CLN3: variants seen among roughly 807,000 people sequenced by gnomAD.
CLN3 encodes the protein battenin.
Under a neutral mutation model 60.7 loss-of-function variants are expected in CLN3, and 49 were observed. The ratio of observed to expected loss-of-function variants is 0.81; its 90% CI spans 0.64 to 1.02. The LOEUF (loss-of-function observed/expected upper bound fraction) is 1.02, where lower values mean the gene tolerates loss of function less well. CLN3 is among the 50% of genes least tolerant of loss of function. The pLI, the probability that CLN3 is intolerant of heterozygous loss-of-function variation, is 0.00. For missense variants in CLN3, 516 were observed against 557.4 expected, an observed-to-expected ratio of 0.93 and a Z score of 0.75; for synonymous variants, 256 against 245.8, an observed-to-expected ratio of 1.04 and a Z score of -0.39.
chr16:28,468,706 C>T, the CLN3 span, among the ~76,000 whole-genome samples: 1 of 136,616 alleles, frequency 7.3e-6, no homozygotes, highest in Non-Finnish European at 1.6e-5. Flanking sequence ...ACTTGGGAGG[C>T]TGAGGCAGAA....
At chr16:28,479,361 G>A (rs1162314309) in intron 14 of CLN3, 1 of 152,244 alleles carries the variant, frequency 6.6e-6, no homozygotes, top group African/African-American at 2.4e-5. Context: ...CAAGGCGGGT[G>A]GATCACCTGA....
chr16:28,488,558 G>A, intron 5 of CLN3, 33 bp downstream of exon 5: 1 of 1,605,304 alleles, frequency 6.2e-7, no homozygotes, highest in Non-Finnish European at 8.5e-7. Flanking sequence ...GGGGCCCTGG[G>A]TCAGGCAAGG....
In CLN3 at chr16:28,487,665, T is replaced by G. The variant is rs546862372; in HGVS notation, c.371A>C (p.Tyr124Ser). Reference protein sequence around the residue: ...LAPLGLHLLPYSPRVLVSGIC... With the variant: ...LAPLGLHLLPSSPRVLVSGIC... ...CTCCCACTACCCTCACCCAGACCTG[T>G]AGGGCAGCAGGTGAAGGCCAAGAGG... Residue 124 changes from tyrosine (Y) to serine (S), a missense_variant, in exon 6 of 16, where the codon TAC becomes TCC. Physicochemically the swap from Tyr to Ser is moderately radical, Grantham distance 144 (BLOSUM62 -2). Transcript: ENST00000636147. 1 of 1,612,374 alleles carries G rather than the reference T, an allele frequency of 6.2e-7. No individual in the cohort carries two copies. The highest frequency in any genetic ancestry group is 8.5e-7 in the Non-Finnish European group (1 of 1,178,748).
Position 28,486,494 on chromosome 16 carries a change from G to A in CLN3, c.534-4C>T. ...GGACCACCAGGAGATCACGGCCCTGGGAAGGAGAACACAGGAACATTCAGG... is the reference window on the plus strand; with the variant it reads ...GGACCACCAGGAGATCACGGCCCTGAGAAGGAGAACACAGGAACATTCAGG... On this transcript the variant is annotated splice_polypyrimidine_tract_variant and splice_region_variant and intron_variant, in intron 8 of 15. Coordinates refer to ENST00000636147, the MANE Select transcript of CLN3 (RefSeq NM_001042432.2). 2 of 1,612,084 alleles carry A rather than the reference G, an allele frequency of 1.2e-6. No homozygotes were observed. Among genetic ancestry groups the A allele is most frequent in the East Asian group, 2.2e-5 (1 of 44,820 alleles).
At chr16:28,477,268 G>A (rs572628440), downstream of CLN3, 65 of 556,916 alleles carry the variant, frequency 1.2e-4, no homozygotes, top group Middle Eastern at 5.0e-4. Context: ...AGACAAAAAC[G>A]ATATAAGAAG....
intron 7 of CLN3, 106 bp downstream of exon 7, chr16:28,487,350 T>G: frequency 1.1e-6 from 1 of 927,886 alleles, no homozygotes. Context: ...CTTCTAAGGG[T>G]GACAGAATGA....
chr16:28,483,237 T>G (rs1438946912), intron 10 of CLN3, among the ~76,000 whole-genome samples: 1 of 152,168 alleles, frequency 6.6e-6, no homozygotes, highest in Non-Finnish European at 1.5e-5. Context: ...TTTTTTATTT[T>G]TTGAGACAGA....
intron 14 of CLN3, among the ~76,000 whole-genome samples, chr16:28,478,304 C>CAA (rs58199983): frequency 9.1e-5 from 8 of 88,320 alleles, no homozygotes; most frequent in Admixed American, 2.5e-4. Context: ...GACTCCATCC[C>CAA]AAAAAAAAAA....
Position 28,488,586 on chromosome 16 carries a change from C to G in CLN3, c.294+5G>C. ...AGGCAAGGACCAGGTGAGATGAGTACGCACAGCCGTAGAGACAGAGTTGCA... is the reference window on the plus strand; with the variant it reads ...AGGCAAGGACCAGGTGAGATGAGTAGGCACAGCCGTAGAGACAGAGTTGCA... On this transcript the variant is annotated splice_donor_5th_base_variant and intron_variant, in intron 5 of 15. Transcript: ENST00000636147. The G allele has an allele frequency of 1.2e-6, 2 of 1,613,838 alleles. No homozygotes were observed. The highest frequency in any genetic ancestry group is 2.2e-5 in the East Asian group (1 of 44,866).
At chr16:28,484,602 A>G in intron 9 of CLN3, 1 of 202,022 alleles carries the variant, frequency 4.9e-6, no homozygotes, top group Non-Finnish European at 1.0e-5. Context: ...CTCCAGCCTC[A>G]GCCTCCTAAA....
intron 3 of CLN3, among the ~76,000 whole-genome samples, chr16:28,491,231 A>T (rs1196545404): frequency 1.3e-5 from 2 of 152,134 alleles, no homozygotes; most frequent in Non-Finnish European, 2.9e-5. Flanking sequence ...AAAAACGTTA[A>T]GGCTGAATTG....
chr16:28,470,537 G>T (rs1596614776), downstream of CLN3: 2 of 425,406 alleles, frequency 4.7e-6, no homozygotes, highest in African/African-American at 4.7e-5. Flanking sequence ...GGCCGGATCT[G>T]AGTTGGGGCG....
At chr16:28,491,362 A>G in intron 3 of CLN3, 120 bp downstream of exon 3, 1 of 1,384,140 alleles carries the variant, frequency 7.2e-7, no homozygotes. Context: ...AAACCAGTGG[A>G]TTCAGTAAAT....
In CLN3 at chr16:28,482,308, C is replaced by T. The variant is rs545040014; in HGVS notation, c.962+19G>A. ...ATCACCACGGCGCCCTCCCAGCCCA[C>T]TGCCCTCGCTCCTCTTACCAGCGGT... On this transcript the variant is annotated intron_variant, in intron 13 of 15. Transcript: ENST00000636147. 1 of 1,612,828 alleles carries T rather than the reference C, an allele frequency of 6.2e-7. No homozygotes were observed. Among genetic ancestry groups the T allele is most frequent in the African/African-American group, 1.3e-5 (1 of 75,054 alleles).
At chr16:28,477,689 G>C in intron 15 of CLN3, 48 bp downstream of exon 15, 3 of 1,614,052 alleles carry the variant, frequency 1.9e-6, no homozygotes, top group South Asian at 2.2e-5. Flanking sequence ...CCCTGCCCTG[G>C]GTGTCCCTGG....
In CLN3 at chr16:28,486,509, G is replaced by A; in HGVS notation, c.534-19C>T. 3 of 1,610,458 alleles carry A rather than the reference G, an allele frequency of 1.9e-6. No individual in the cohort carries two copies. Among genetic ancestry groups the A allele is most frequent in the Non-Finnish European group, 8.5e-7 (1 of 1,178,396 alleles). On this transcript the variant is annotated intron_variant, in intron 8 of 15. Transcript: ENST00000636147. ...CACGGCCCTGGGAAGGAGAACACAG[G>A]AACATTCAGGAGGACCTAGGCTGAC...
chr16:28,481,442 A>G (rs1422012256), intron 14 of CLN3, among the ~76,000 whole-genome samples: 5 of 134,194 alleles, frequency 3.7e-5, no homozygotes, highest in Middle Eastern at 3.6e-3. Context: ...ACACACACAC[A>G]CACACACACA....
intron 9 of CLN3, among the ~76,000 whole-genome samples, chr16:28,486,116 G>C (rs1486138286): frequency 2.0e-5 from 3 of 151,736 alleles, no homozygotes; most frequent in Non-Finnish European, 4.4e-5. Context: ...TCCTGCCTTA[G>C]CCTCCTGAGT....
chr16:28,485,736 C>A (rs951654525), intron 9 of CLN3, among the ~76,000 whole-genome samples: 2 of 148,908 alleles, frequency 1.3e-5, no homozygotes, highest in African/African-American at 4.9e-5. Context: ...CCACCCTCAT[C>A]CTACTTCTAA....
Sources: gnomAD v4.1 joint callset for allele counts (sites outside exome capture counted in the v4.1 genomes callset) on GRCh38, gnomAD v4.1.1 for gene constraint, MANE v1.5 for transcripts, NCBI Gene and HGNC (gene_info 2026-07-23, HGNC 2026-07-21) for gene names.